Variants in PKHD1 observed in about 807,000 individuals in gnomAD.
PKHD1 encodes the protein PKHD1 ciliary IPT domain containing fibrocystin/polyductin, also known as fibrocystin.
PKHD1 carries 291 observed loss-of-function variants against 412.0 expected under a neutral mutation model. The ratio of observed to expected loss-of-function variants is 0.71; its 90% CI spans 0.64 to 0.78. The LOEUF (loss-of-function observed/expected upper bound fraction) is 0.78. Among genes scored for constraint, PKHD1 ranks in the 30% least tolerant of loss-of-function variants. The pLI is 0.00. For missense variants in PKHD1, 4,825 were observed against 4,950.7 expected, an observed-to-expected ratio of 0.97 and a Z score of 0.76; for synonymous variants, 1,777 against 1,821.5, an observed-to-expected ratio of 0.98 and a Z score of 0.62.
At chr6:51,702,890 A>ATT (rs11447702) in intron 60 of PKHD1, among the ~76,000 whole-genome samples, 5,556 of 138,228 alleles carry the variant, frequency 0.04, 222 homozygotes, top group East Asian at 0.16. Context: ...TCAGAAATCA[A>ATT]TTTTTTTTTT....
At chr6:51,996,422 G>T (rs918175354) in intron 35 of PKHD1, among the ~76,000 whole-genome samples, 3 of 152,146 alleles carry the variant, frequency 2.0e-5, no homozygotes, top group African/African-American at 7.2e-5. Context: ...TTAGAGGAAG[G>T]TTCTCTTGCA....
chr6:51,834,246 G>C (rs1169223095), intron 51 of PKHD1, among the ~76,000 whole-genome samples: 5 of 152,178 alleles, frequency 3.3e-5, no homozygotes, highest in African/African-American at 4.8e-5. Flanking sequence ...GTTCGCTGAT[G>C]GGGGAAAGTG....
At chr6:51,679,973 C>G (rs112057710) in intron 60 of PKHD1, among the ~76,000 whole-genome samples, 26 of 151,982 alleles carry the variant, frequency 1.7e-4, no homozygotes, top group African/African-American at 5.8e-4. Context: ...CTGCTTCTTA[C>G]CCTCTGTGTA....
intron 52 of PKHD1, among the ~76,000 whole-genome samples, chr6:51,810,342 G>A (rs1057053675): frequency 6.6e-6 from 1 of 152,068 alleles, no homozygotes; most frequent in African/African-American, 2.4e-5. Flanking sequence ...TCAAGAGGAA[G>A]ACAGCATATT....
At chr6:52,033,267 T>C (rs1375784154) in intron 28 of PKHD1, 102 bp from the exon 29 acceptor site, 3 of 964,580 alleles carry the variant, frequency 3.1e-6, no homozygotes, top group Non-Finnish European at 4.9e-6. Flanking sequence ...AAGTTAATTT[T>C]AAGAAAGTTG....
chr6:51,692,276 C>G (rs1287635752), intron 60 of PKHD1, among the ~76,000 whole-genome samples: 1 of 151,784 alleles, frequency 6.6e-6, no homozygotes, highest in African/African-American at 2.4e-5. Flanking sequence ...CACACACACA[C>G]ACACACACAC....
intron 35 of PKHD1, among the ~76,000 whole-genome samples, chr6:51,961,707 CAG>C (rs1792068564): frequency 6.6e-6 from 1 of 152,116 alleles, no homozygotes. Context: ...GTGGGAAAAA[CAG>C]AGATGGTAAA....
chr6:51,666,958 G>T (rs1773916937), intron 60 of PKHD1, among the ~76,000 whole-genome samples: 1 of 150,796 alleles, frequency 6.6e-6, no homozygotes, highest in Non-Finnish European at 1.5e-5. Flanking sequence ...TGGACATTTG[G>T]GTTGGTTCCA....
At chr6:52,017,976 C>A (rs571680928) in intron 33 of PKHD1, among the ~76,000 whole-genome samples, 1 of 152,302 alleles carries the variant, frequency 6.6e-6, no homozygotes, top group East Asian at 1.9e-4. Flanking sequence ...ATAGTTTTAT[C>A]ACAAACATTT....
intron 52 of PKHD1, among the ~76,000 whole-genome samples, chr6:51,794,962 T>C (rs1486684456): frequency 6.6e-6 from 1 of 152,238 alleles, no homozygotes; most frequent in African/African-American, 2.4e-5. Context: ...GGTCACATGA[T>C]GCCTCTAGCT....
intron 60 of PKHD1, among the ~76,000 whole-genome samples, chr6:51,695,340 T>C (rs1021349930): frequency 2.0e-5 from 3 of 152,104 alleles, no homozygotes; most frequent in African/African-American, 7.2e-5. Context: ...GTAACCTCAA[T>C]CTCAACCCTC....
At position 51,619,166 on chromosome 6, in the gene PKHD1, G is replaced by A. The variant is rs770233981; in HGVS notation, c.12140C>T (p.Ser4047Phe). The A allele has an allele frequency of 5.6e-6, 9 of 1,614,122 alleles. No homozygotes were observed. The African/African-American group carries it at 9.3e-5, about 17-fold the overall frequency. The change falls in exon 67 of 67, where the codon TCC (serine) becomes TTC (phenylalanine). Residue 4047 changes from serine (S) to phenylalanine (F), a missense_variant. Transcript: ENST00000371117. ...LSKQSGSLGLSQEKKASCGAT... is the reference protein window; with the variant it reads ...LSKQSGSLGLFQEKKASCGAT... ...CCCGCAGGAGGCTTTCTTCTCTTGG[G>A]AAAGCCCCAAGCTGCCACTTTGCTT...
chr6:51,722,859 C>G (rs572631108), intron 60 of PKHD1, among the ~76,000 whole-genome samples: 2 of 152,124 alleles, frequency 1.3e-5, no homozygotes, highest in African/African-American at 2.4e-5. Context: ...GTGGAGAAGA[C>G]GTCCCATGAA....
chr6:51,899,323 C>T (rs1412801026), intron 43 of PKHD1, among the ~76,000 whole-genome samples: 7 of 151,678 alleles, frequency 4.6e-5, no homozygotes, highest in Admixed American at 3.9e-4. Flanking sequence ...CCACCATGAT[C>T]AAGTGGGCTT....
intron 60 of PKHD1, among the ~76,000 whole-genome samples, chr6:51,719,603 A>G (rs560097036): frequency 1.3e-5 from 2 of 152,158 alleles, no homozygotes; most frequent in East Asian, 1.9e-4. Context: ...ACTGACTTGG[A>G]GAGGTTTTAT....
chr6:51,824,175 T>C (rs1766936341), intron 52 of PKHD1, among the ~76,000 whole-genome samples: 1 of 152,076 alleles, frequency 6.6e-6, no homozygotes, highest in South Asian at 2.1e-4. Flanking sequence ...AAATCAACAA[T>C]TCTATGTGTC....
At chr6:52,057,077 C>T in intron 16 of PKHD1, 98 bp from the exon 17 acceptor site, 1 of 797,948 alleles carries the variant, frequency 1.3e-6, no homozygotes, top group Non-Finnish European at 2.2e-6. Context: ...TTGCTATTTC[C>T]TTTTTATTAT....
intron 52 of PKHD1, among the ~76,000 whole-genome samples, chr6:51,821,300 G>A (rs1323542265): frequency 1.3e-5 from 2 of 152,124 alleles, no homozygotes; most frequent in Admixed American, 1.3e-4. Context: ...TCTTAGTAGG[G>A]TGACCCAATC....
intron 22 of PKHD1, 80 bp from the exon 23 acceptor site, chr6:52,048,699 T>C (rs2128193350): frequency 1.9e-6 from 3 of 1,558,076 alleles, no homozygotes; most frequent in Middle Eastern, 2.2e-4. Flanking sequence ...GGATGTCCTG[T>C]CTTGCTTAGG....
Sources: gnomAD v4.1 joint callset for allele counts (sites outside exome capture counted in the v4.1 genomes callset) on GRCh38, gnomAD v4.1.1 for gene constraint, MANE v1.5 for transcripts, NCBI Gene and HGNC (gene_info 2026-07-23, HGNC 2026-07-21) for gene names.